The following EPPK1 variants were observed in gnomAD, a reference collection of about 807,000 sequenced individuals.
The protein encoded by EPPK1 is epiplakin.
For synonymous variants in EPPK1, 1,862 were observed against 1,721.2 expected (o/e 1.08, Z -2.03); for missense variants, 3,823 against 3,673.3 (o/e 1.04, Z -1.05).
At chr8:143,874,874 C>G (rs1819450963) in intron 1 of EPPK1, among the ~76,000 whole-genome samples, 3 of 152,188 alleles carry the variant, frequency 2.0e-5, no homozygotes, top group Middle Eastern at 6.8e-3. Flanking sequence ...CACGTTTGAC[C>G]CCCACCCCCA....
rs1554661591 is a variant in EPPK1 at position 143,872,487 on chromosome 8, T to A, written c.767A>T (p.Gln256Leu). The change falls in exon 2 of 2, where the codon CAG becomes CTG. Residue 256 changes from glutamine (Q) to leucine (L), a missense_variant. Coordinates refer to ENST00000615648, the MANE Select transcript of EPPK1 (RefSeq NM_031308.4). ...GCCCTCCCGCAGACCCTGCACAGCC[T>A]GCTCGTCCAGGATGCCCACCTCCAG... ...ELLEVGILDE[Q>L]AVQGLREGRL... 1.9e-6 allele frequency: 3 copies of A among 1,593,504 alleles called. No homozygotes were observed. The highest frequency in any genetic ancestry group is 2.6e-6 in the Non-Finnish European group (3 of 1,175,150).
rs568067720 is a variant in EPPK1 at position 143,870,954 on chromosome 8, A to C, written c.2300T>G (p.Phe767Cys). The change falls in exon 2 of 2, where the codon TTC (phenylalanine) becomes TGC (cysteine). Residue 767 changes from phenylalanine (F) to cysteine (C), a missense_variant. Physicochemically the swap from Phe to Cys is radical, Grantham distance 205. Transcript: ENST00000615648. The surrounding 1 kb of genome is among the most constrained non-coding windows in gnomAD (Gnocchi z 5.2). ...LLDPSDDTKG[F>C]FDPNTHENLT... The stretch of plus-strand genomic sequence containing the variant: ...GTTCTCGTGCGTGTTGGGGTCGAAG[A>C]AGCCCTTGGTGTCGTCAGAAGGGTC... 6.2e-7 allele frequency: 1 copy of C among 1,613,478 alleles called. No individual in the cohort carries two copies. Among genetic ancestry groups the C allele is most frequent in the South Asian group, 1.1e-5 (1 of 91,082 alleles).
At position 143,857,995 on chromosome 8, in the gene EPPK1, G is replaced by A; in HGVS notation, c.15259C>T (p.Leu5087=). Residue 5087 remains leucine (L), a synonymous_variant, in exon 2 of 2, where the codon CTA becomes TTA. Coordinates refer to ENST00000615648, the MANE Select transcript of EPPK1 (RefSeq NM_031308.4). The stretch of plus-strand genomic sequence containing the variant: ...GCACGGAGGAAGCCCAGTCACTGTA[G>A]AGAGAGAGAAAGAAATAGGAGCCCC... ...ETGLLFLSLS[L]Q The A allele has an allele frequency of 6.3e-7, 1 of 1,596,242 alleles. No individual in the cohort carries two copies.
In EPPK1 at chr8:143,869,092, G is replaced by A; in HGVS notation, c.4162C>T (p.Gln1388Ter). 1 of 1,607,366 alleles carries A rather than the reference G, an allele frequency of 6.2e-7. No homozygotes were observed. Among genetic ancestry groups the A allele is most frequent in the Non-Finnish European group, 8.5e-7 (1 of 1,179,794 alleles). ...ACTGCAGTCAGCACCTGGCTCGTCT[G>A]TGTGTCCAGAAGGCCGAGTCTGCAG... is the stretch of plus-strand genomic sequence containing the variant. The part of the protein sequence containing the change: ...AACRLGLLDT[Q>*]TSQVLTAVDK... Residue 1388 changes from glutamine (Q) to a stop codon, truncating the protein, a stop_gained, in exon 2 of 2, where the codon CAG (glutamine) becomes TAG (stop). Coordinates refer to ENST00000615648, the MANE Select transcript of EPPK1 (RefSeq NM_031308.4). LOFTEE classifies it low-confidence loss of function (END_TRUNC).
intron 1 of EPPK1, 63 bp downstream of exon 1, chr8:143,878,375 G>GCCCGCACCCGCCGCACCTGCCCGCA (rs1563891966): frequency 1.6e-5 from 2 of 124,730 alleles, no homozygotes; most frequent in African/African-American, 3.4e-5. Flanking sequence ...CGCCGCACCT[G>GCCCGCACCCGCCGCACCTGCCCGCA]CCCGCACCCG....
In EPPK1 at chr8:143,859,459, A is replaced by C. The variant is rs1257434678; in HGVS notation, c.13795T>G (p.Ser4599Ala). 2 of 419,786 alleles carry C rather than the reference A, an allele frequency of 4.8e-6. No individual in the cohort carries two copies. The highest frequency in any genetic ancestry group is 8.4e-6 in the Non-Finnish European group (2 of 238,560). 26.0% of individuals were successfully genotyped at this position (419,786 alleles called of 1,614,324 possible). Residue 4599 changes from serine to alanine, a missense_variant, in exon 2 of 2, where the codon TCC becomes GCC. Ser to Ala is a moderately conservative substitution (Grantham distance 99). Coordinates refer to ENST00000615648, the MANE Select transcript of EPPK1 (RefSeq NM_031308.4). Reference protein sequence around the residue: ...VWELLFYREVSEDRRQDLLSR... With the variant: ...VWELLFYREVAEDRRQDLLSR... ...AGCAGGTCCTGGCGCCGGTCCTCGG[A>C]CACCTCGCGGTAGAAGAGGAGCTCC...
At chr8:143,876,715 A>AG (rs1274179663) in intron 1 of EPPK1, among the ~76,000 whole-genome samples, 2 of 152,244 alleles carry the variant, frequency 1.3e-5, no homozygotes, top group African/African-American at 4.8e-5. Flanking sequence ...TGTGAGCCTA[A>AG]GGCAGCCACT....
chr8:143,878,729 T>C (rs1334440973), upstream of EPPK1, among the ~76,000 whole-genome samples: 5 of 151,776 alleles, frequency 3.3e-5, no homozygotes, highest in Non-Finnish European at 5.9e-5. Context: ...GAACAGCTTT[T>C]TTTTTTTGGG....
rs564150761 is a variant in EPPK1 at position 143,867,549 on chromosome 8, AC to A, written c.5704del (p.Val1902SerfsTer10). 403 of 1,612,342 alleles carry A rather than the reference AC, an allele frequency of 2.5e-4. No homozygotes were observed. The African/African-American group carries it at 4.8e-3, about 19-fold the overall frequency. ...YLEGSGCIAG[V>X]TVPSTREVMS... ...GACCTCCCTGGTGGAGGGCACCGTG[AC>A]CCCCGCAATGCAGCCGCTGCCTTCC... On this transcript the variant is annotated frameshift_variant, in exon 2 of 2. Coordinates refer to ENST00000615648, the MANE Select transcript of EPPK1 (RefSeq NM_031308.4). LOFTEE classifies it low-confidence loss of function (END_TRUNC).
chr8:143,866,949 G>A lies in EPPK1; in HGVS notation c.6305C>T (p.Ala2102Val), dbSNP rs573169771. Residue 2102 changes from alanine (A) to valine (V), a missense_variant, in exon 2 of 2, where the codon GCC becomes GTC. Physicochemically the swap from Ala to Val is moderately conservative, Grantham distance 64 (BLOSUM62 0). Coordinates refer to ENST00000615648, the MANE Select transcript of EPPK1 (RefSeq NM_031308.4). ...GATTTCCACTTGCTCTGCCTCCAGG[G>A]CCCTTCTCGTCTCGTCATCGATGTG... The part of the protein sequence containing the change: ...SEHIDDETRR[A>V]LEAEQVEITV... The A allele has an allele frequency of 2.0e-5, 32 of 1,612,680 alleles. No individual in the cohort carries two copies. The highest frequency in any genetic ancestry group is 2.6e-5 in the Non-Finnish European group (31 of 1,179,850).
chr8:143,868,193 C>T lies in EPPK1; in HGVS notation c.5061G>A (p.Thr1687=), dbSNP rs781817157. 41 of 1,612,828 alleles carry T rather than the reference C, an allele frequency of 2.5e-5. No homozygotes were observed. The highest frequency in any genetic ancestry group is 2.2e-4 in the Admixed American group (13 of 59,992). The stretch of plus-strand genomic sequence containing the variant: ...TGTGCACGGGGTCGATGATGCCGCC[C>T]GTGGCGATCTGGGCCTCCAGCAGGC... ...GIRLLEAQIA[T]GGIIDPVHSH... Residue 1687 remains threonine (T), a synonymous_variant, in exon 2 of 2, where the codon ACG becomes ACA. Coordinates refer to ENST00000615648, the MANE Select transcript of EPPK1 (RefSeq NM_031308.4).
At chr8:143,878,368 C>A (rs1819524077) in intron 1 of EPPK1, 70 bp downstream of exon 1, 1 of 144,166 alleles carries the variant, frequency 6.9e-6, no homozygotes, top group South Asian at 1.8e-4. Context: ...CCGCACCCGC[C>A]GCACCTGCCC....
In EPPK1 at chr8:143,867,282, T is replaced by G; in HGVS notation, c.5972A>C (p.Gln1991Pro). ...CTCGATGAGCTGCTTCTGCATGGCC[T>G]GGAACAGCGGGATCGTGTCTCCTGT... Reference protein sequence around the residue: ...PATGDTIPLFQAMQKQLIEKA... With the variant: ...PATGDTIPLFPAMQKQLIEKA... Residue 1991 changes from glutamine (Q) to proline (P), a missense_variant, in exon 2 of 2, where the codon CAG becomes CCG. Physicochemically the swap from Gln to Pro is moderately conservative, Grantham distance 76. Transcript: ENST00000615648. 6.2e-7 allele frequency: 1 copy of G among 1,612,406 alleles called. No homozygotes were observed. Among genetic ancestry groups the G allele is most frequent in the Non-Finnish European group, 8.5e-7 (1 of 1,179,596 alleles).
At chr8:143,873,379 C>T in intron 1 of EPPK1, 81 bp from the exon 2 acceptor site, 1 of 1,054,898 alleles carries the variant, frequency 9.5e-7, no homozygotes, top group Non-Finnish European at 1.3e-6. Context: ...GGGGCAATCC[C>T]ATGCTGTCCC....
At chr8:143,876,222 C>G (rs920550785) in intron 1 of EPPK1, among the ~76,000 whole-genome samples, 14 of 152,146 alleles carry the variant, frequency 9.2e-5, no homozygotes, top group Non-Finnish European at 1.9e-4. Context: ...TGTGCCCTGC[C>G]TGGTTCTCAT....
In EPPK1 at chr8:143,871,310, A is replaced by T; in HGVS notation, c.1944T>A (p.Ala648=). The change falls in exon 2 of 2, where the codon GCT becomes GCA. Residue 648 remains alanine (A), a synonymous_variant. Transcript: ENST00000615648. ...GTALILLEAQ[A]ATGFIIDPKA... is the part of the protein sequence containing the mutation. ...TTGGGTCGATGATGAAGCCTGTGGC[A>T]GCTTGTGCCTCCAGAAGGATGAGGG... is the stretch of plus-strand genomic sequence containing the variant. 1 of 1,612,364 alleles carries T rather than the reference A, an allele frequency of 6.2e-7. No individual in the cohort carries two copies. The highest frequency in any genetic ancestry group is 8.5e-7 in the Non-Finnish European group (1 of 1,179,666).
At position 143,867,878 on chromosome 8, in the gene EPPK1, CT is replaced by C. The variant is rs1563881145; in HGVS notation, c.5375del (p.Gln1792ArgfsTer63). The C allele has an allele frequency of 5.4e-5, 87 of 1,613,272 alleles. No homozygotes were observed. Among genetic ancestry groups the C allele is most frequent in the Non-Finnish European group, 7.3e-5 (86 of 1,179,628 alleles). On this transcript the variant is annotated frameshift_variant, in exon 2 of 2. Transcript: ENST00000615648. LOFTEE classifies it low-confidence loss of function (END_TRUNC). Reference sequence around the variant, plus strand: ...ACAGCAGGTCCCAGAAAGAGACCACCTGGTCAGCAAACCTCCCCACGCGCAT... The same window carrying C: ...ACAGCAGGTCCCAGAAAGAGACCACCGGTCAGCAAACCTCCCCACGCGCAT... ...AKMRVGRFAD[Q>X]VVSFWDLLSS...
chr8:143,876,454 G>A (rs144250975), intron 1 of EPPK1, among the ~76,000 whole-genome samples: 2,843 of 152,288 alleles, frequency 0.019, 93 homozygotes, highest in African/African-American at 0.063. Context: ...GGGTGGCTAC[G>A]GGGCTGTCCA....
At chr8:143,873,451 G>A (rs1345715910) in intron 1 of EPPK1, among the ~76,000 whole-genome samples, 153 bp from the exon 2 acceptor site, 1 of 152,042 alleles carries the variant, frequency 6.6e-6, no homozygotes, top group African/African-American at 2.4e-5. Context: ...GTCTGCCCAG[G>A]AGCACTCTGC....
Sources: gnomAD v4.1 joint callset for allele counts (sites outside exome capture counted in the v4.1 genomes callset) on GRCh38, gnomAD v4.1.1 for gene constraint, Gnocchi (gnomAD v3.1) non-coding constraint, MANE v1.5 for transcripts, NCBI Gene and HGNC (gene_info 2026-07-23, HGNC 2026-07-21) for gene names.